Variants in FAM135B observed in about 807,000 individuals in gnomAD.
FAM135B encodes family with sequence similarity 135 member B.
FAM135B carries 43 observed loss-of-function variants against 127.7 expected under a neutral mutation model. The observed-to-expected ratio is 0.34, with a 90% CI of 0.26 to 0.43. The LOEUF (loss-of-function observed/expected upper bound fraction) is 0.43. Among genes scored for constraint, FAM135B ranks in the 20% least tolerant of loss-of-function variants. FAM135B has a pLI of 1.00. For synonymous variants in FAM135B, 670 were observed against 665.1 expected, an observed-to-expected ratio of 1.01 and a Z score of -0.11; for missense variants, 1,558 against 1,725.6, an observed-to-expected ratio of 0.90 and a Z score of 1.72.
intron 1 of FAM135B, among the ~76,000 whole-genome samples, chr8:138,435,271 TG>T (rs1218295220): frequency 7.9e-5 from 12 of 151,804 alleles, no homozygotes; most frequent in African/African-American, 2.9e-4. Flanking sequence ...CACTACAGCC[TG>T]GGTGACAGAG....
At chr8:138,288,835 A>G (rs1351114670) in intron 3 of FAM135B, among the ~76,000 whole-genome samples, 1 of 152,200 alleles carries the variant, frequency 6.6e-6, no homozygotes, top group African/African-American at 2.4e-5. Context: ...TCTCCTAAAA[A>G]ATGTTCTAGA....
At chr8:138,463,402 A>C (rs1265825435) in intron 1 of FAM135B, among the ~76,000 whole-genome samples, 1 of 152,160 alleles carries the variant, frequency 6.6e-6, no homozygotes, top group African/African-American at 2.4e-5. Context: ...AGAGAATTGT[A>C]TCAGGAAAGG....
chr8:138,152,494 A>G lies in FAM135B; in HGVS notation c.1981T>C (p.Ser661Pro), dbSNP rs922120421. 6.2e-7 allele frequency: 1 copy of G among 1,614,050 alleles called. No homozygotes were observed. The highest frequency in any genetic ancestry group is 1.3e-5 in the African/African-American group (1 of 74,934). Residue 661 changes from serine (S) to proline (P), a missense_variant, in exon 13 of 20, where the codon TCT (serine) becomes CCT (proline). Transcript: ENST00000395297. ...PLDIRSSLKD[S>P]HTEEQEELSV... Reference sequence around the variant, plus strand: ...AGTTCCTCCTGCTCTTCTGTGTGAGAGTCCTTTAGGGAAGACCTAATATCT... The same window carrying G: ...AGTTCCTCCTGCTCTTCTGTGTGAGGGTCCTTTAGGGAAGACCTAATATCT...
Position 138,133,703 on chromosome 8 carries a change from C to G in FAM135B, c.4016-905G>C, listed in dbSNP as rs1175053942. Among the ~76,000 whole-genome samples, 3 of 152,156 alleles carry G rather than the reference C, an allele frequency of 2.0e-5. No individual in the cohort carries two copies. The East Asian group carries it at 5.8e-4, about 29-fold the overall frequency. ...GAAAGAGAGCTTATTCTGAGTTTAA[C>G]AGTCCACAGCCTCACTCTGGACACT... On this transcript the variant is annotated intron_variant, in intron 19 of 19. Coordinates refer to ENST00000395297, the MANE Select transcript of FAM135B (RefSeq NM_015912.4).
intron 1 of FAM135B, among the ~76,000 whole-genome samples, chr8:138,432,411 C>T (rs1835238623): frequency 6.6e-6 from 1 of 152,038 alleles, no homozygotes; most frequent in South Asian, 2.1e-4. Flanking sequence ...CTCCACTACT[C>T]CAAGCTGTCT....
chr8:138,373,396 T>G (rs967149518), intron 1 of FAM135B, among the ~76,000 whole-genome samples: 1 of 151,346 alleles, frequency 6.6e-6, no homozygotes, highest in Non-Finnish European at 1.5e-5. Context: ...TGATTTCCTA[T>G]GCCTGTCTTT....
intron 1 of FAM135B, among the ~76,000 whole-genome samples, chr8:138,389,118 C>A (rs1483747727): frequency 6.6e-6 from 1 of 152,142 alleles, no homozygotes; most frequent in Non-Finnish European, 1.5e-5. Flanking sequence ...CACTTCATAG[C>A]CACTAGGATG....
chr8:138,244,086 G>C (rs1393270605), intron 6 of FAM135B, among the ~76,000 whole-genome samples: 1 of 152,064 alleles, frequency 6.6e-6, no homozygotes, highest in African/African-American at 2.4e-5. Flanking sequence ...AATAAATTTA[G>C]CATTATATTT....
intron 5 of FAM135B, among the ~76,000 whole-genome samples, chr8:138,251,740 C>T (rs1214496141): frequency 6.6e-6 from 1 of 152,114 alleles, no homozygotes; most frequent in East Asian, 1.9e-4. Context: ...TGGTTGTTGC[C>T]TAAATAAAAC....
At chr8:138,206,001 C>T (rs1056686436) in intron 7 of FAM135B, among the ~76,000 whole-genome samples, 16 of 150,088 alleles carry the variant, frequency 1.1e-4, no homozygotes, top group East Asian at 1.0e-3. Context: ...AGCATCACCT[C>T]GACCTATGCA....
chr8:138,421,735 C>T (rs182150300), intron 1 of FAM135B, among the ~76,000 whole-genome samples: 524 of 152,232 alleles, frequency 3.4e-3, no homozygotes, highest in Non-Finnish European at 6.0e-3. Flanking sequence ...AGATTCAATG[C>T]TATTTTTATC....
chr8:138,433,720 G>A (rs551140578), intron 1 of FAM135B, among the ~76,000 whole-genome samples: 1 of 152,246 alleles, frequency 6.6e-6, no homozygotes, highest in East Asian at 1.9e-4. Context: ...TTTATGACTT[G>A]TTTTCTTAGC....
intron 12 of FAM135B, among the ~76,000 whole-genome samples, chr8:138,159,135 G>A (rs1367076336): frequency 8.1e-5 from 12 of 148,558 alleles, no homozygotes; most frequent in Admixed American, 2.0e-4. Flanking sequence ...AGCCGGGCGC[G>A]GTGGCGGGTG....
intron 7 of FAM135B, among the ~76,000 whole-genome samples, chr8:138,211,741 C>A (rs1457977720): frequency 6.6e-6 from 1 of 152,142 alleles, no homozygotes; most frequent in African/African-American, 2.4e-5. Flanking sequence ...ATATGCAGCA[C>A]TTCTGCAATC....
intron 3 of FAM135B, among the ~76,000 whole-genome samples, chr8:138,298,832 A>AATGCAAAATGAG (rs1166294475): frequency 2.0e-5 from 3 of 152,088 alleles, no homozygotes; most frequent in Non-Finnish European, 4.4e-5. Context: ...GGACCTCTGA[A>AATGCAAAATGAG]ATGCAAAATG....
At chr8:138,372,946 C>T (rs140631402) in intron 1 of FAM135B, among the ~76,000 whole-genome samples, 2 of 152,156 alleles carry the variant, frequency 1.3e-5, no homozygotes, top group Admixed American at 1.3e-4. Context: ...TGAGGTCCCA[C>T]TTTTCTGGCA....
At chr8:138,429,366 A>G (rs1835073638) in intron 1 of FAM135B, among the ~76,000 whole-genome samples, 2 of 152,174 alleles carry the variant, frequency 1.3e-5, no homozygotes. Context: ...GGCTTTTATT[A>G]TCATCACCAT....
intron 1 of FAM135B, among the ~76,000 whole-genome samples, chr8:138,491,880 C>G (rs769281043): frequency 6.6e-6 from 1 of 152,132 alleles, no homozygotes; most frequent in Non-Finnish European, 1.5e-5. Flanking sequence ...GAGGGAGTAG[C>G]ATGTGCTGCT....
At chr8:138,183,653 A>T (rs1815287014) in intron 9 of FAM135B, among the ~76,000 whole-genome samples, 1 of 152,234 alleles carries the variant, frequency 6.6e-6, no homozygotes. Flanking sequence ...CCGATGTTCA[A>T]GGATTTTTAT....
Sources: allele counts gnomAD v4.1 joint callset (sites outside exome capture counted in the v4.1 genomes callset), GRCh38; gene constraint gnomAD v4.1.1; transcripts MANE v1.5; gene names NCBI Gene and HGNC (gene_info 2026-07-23, HGNC 2026-07-21).